Variants in CRBN observed in about 807,000 individuals in gnomAD.
CRBN encodes the protein cereblon.
Under a neutral mutation model 62.2 loss-of-function variants are expected in CRBN, and 53 were observed. The ratio of observed to expected loss-of-function variants is 0.85; its 90% CI spans 0.68 to 1.07. CRBN has a LOEUF of 1.07. Among genes scored for constraint, CRBN ranks in the 50% least tolerant of loss-of-function variants. The probability of loss-of-function intolerance (pLI) is 0.00; values close to 1 mark genes in which losing one functional copy is unlikely to be tolerated. For synonymous variants in CRBN, 208 were observed against 176.1 expected (o/e 1.18, Z -1.43); for missense variants, 616 against 531.1 (o/e 1.16, Z -1.57).
At chr3:3,172,098 C>G (rs767442178) in intron 4 of CRBN, 1 of 152,150 alleles carries the variant, frequency 6.6e-6, no homozygotes, top group African/African-American at 2.4e-5. Context: ...TGTGCAAAAC[C>G]CAGCCATGAC....
At chr3:3,173,749 A>G (rs1707721343) in intron 3 of CRBN, 1 of 375,558 alleles carries the variant, frequency 2.7e-6, no homozygotes, top group South Asian at 2.9e-5. Context: ...CTACTTCTCT[A>G]TAATGAAGAC....
chr3:3,179,495 GCGGCCCT>G, intron 1 of CRBN, 119 bp downstream of exon 1: 1 of 847,056 alleles, frequency 1.2e-6, no homozygotes, highest in Non-Finnish European at 1.9e-6. Context: ...GCTTTCCGGT[GCGGCCCT>G]GCTGGGCTGG....
Position 3,151,555 on chromosome 3 carries a change from G to GGTATTTTGTTC in CRBN, c.1149-521_1149-511dup, listed in dbSNP as rs544169296. 2.3e-3 allele frequency among the ~76,000 whole-genome samples: 350 copies of GGTATTTTGTTC among 152,176 alleles called. 3 individuals are homozygous for GGTATTTTGTTC. Among genetic ancestry groups the GGTATTTTGTTC allele is most frequent in the Middle Eastern group, 0.01 (3 of 294 alleles). The stretch of plus-strand genomic sequence containing the variant: ...TAATGCAACCAGAAATACAAACCAT[G>GGTATTTTGTTC]GTATTTTGTTCTTAAGATAAACCAT... On this transcript the variant is annotated intron_variant, in intron 10 of 10. Transcript: ENST00000231948.
intron 1 of CRBN, among the ~76,000 whole-genome samples, chr3:3,177,198 C>T (rs1001032166): frequency 4.6e-5 from 7 of 152,220 alleles, no homozygotes; most frequent in African/African-American, 1.7e-4. Context: ...CATTTCTCAC[C>T]TCCCAGTTCA....
chr3:3,166,874 TCAA>T (rs1172063652), intron 5 of CRBN, among the ~76,000 whole-genome samples: 4 of 151,498 alleles, frequency 2.6e-5, no homozygotes, highest in Non-Finnish European at 4.4e-5. Flanking sequence ...TCCTCACCAC[TCAA>T]CAAAGGAATG....
intron 9 of CRBN, chr3:3,152,888 A>C: frequency 2.4e-6 from 1 of 420,950 alleles, no homozygotes; most frequent in East Asian, 5.0e-5. Context: ...AATGCTTCTA[A>C]AGGAGTCTGA....
intron 3 of CRBN, among the ~76,000 whole-genome samples, chr3:3,173,618 C>T (rs1707716312): frequency 6.6e-6 from 1 of 152,016 alleles, no homozygotes; most frequent in Admixed American, 6.5e-5. Flanking sequence ...CCTTTATTTG[C>T]CATGGGATAC....
chr3:3,172,837 T>C lies in CRBN; in HGVS notation c.466A>G (p.Lys156Glu). ...EEQDFGIEIV[K>E]VKAIGRQRFK... ...CTTTGTCTTCCAATTGCTTTCACTT[T>C]CACTATCTCAATTCCAAAATCCTGT... Residue 156 changes from lysine (K) to glutamate (E), a missense_variant, in exon 4 of 11, where the codon AAA becomes GAA. Physicochemically the swap from Lys to Glu is moderately conservative, Grantham distance 56 (BLOSUM62 1). Transcript: ENST00000231948. The C allele has an allele frequency of 6.2e-7, 1 of 1,613,982 alleles. No individual in the cohort carries two copies. The highest frequency in any genetic ancestry group is 8.5e-7 in the Non-Finnish European group (1 of 1,179,844).
intron 5 of CRBN, 63 bp downstream of exon 5, chr3:3,167,571 A>T: frequency 6.7e-7 from 1 of 1,492,944 alleles, no homozygotes; most frequent in Non-Finnish European, 9.3e-7. Context: ...TTTCTTTCTT[A>T]AAACAGGAAA....
intron 3 of CRBN, chr3:3,173,800 T>C: frequency 2.0e-6 from 1 of 498,570 alleles, no homozygotes; most frequent in East Asian, 3.5e-5. Context: ...TTTCATCAAA[T>C]ATAAATGATT....
rs1706409803 is a variant in CRBN at position 3,150,170 on chromosome 3, T to C, written c.*695A>G. The stretch of plus-strand genomic sequence containing the variant: ...TCAAATTAATTTTTGAAAAATAGCT[T>C]TTGTATGGAACAGTATAAATGGGCT... On this transcript the variant is annotated 3_prime_UTR_variant, in exon 11 of 11. Coordinates refer to ENST00000231948, the MANE Select transcript of CRBN (RefSeq NM_016302.4). 2.6e-5 allele frequency: 4 copies of C among 152,284 alleles called. No individual in the cohort carries two copies. Among genetic ancestry groups the C allele is most frequent in the Admixed American group, 2.0e-4 (3 of 15,288 alleles). 9.4% of individuals were successfully genotyped at this position (152,284 alleles called of 1,614,324 possible).
chr3:3,166,028 CAGTTA>C (rs1707313641), intron 5 of CRBN, among the ~76,000 whole-genome samples: 1 of 152,128 alleles, frequency 6.6e-6, no homozygotes, highest in Admixed American at 6.5e-5. Context: ...TCTCACAGTT[CAGTTA>C]AAAGAAACAA....
intron 1 of CRBN, among the ~76,000 whole-genome samples, chr3:3,176,834 AAAG>A (rs1707840431): frequency 6.6e-6 from 1 of 152,270 alleles, no homozygotes; most frequent in Non-Finnish European, 1.5e-5. Context: ...AAACATTTTA[AAAG>A]AATGTCTTAG....
intron 10 of CRBN, among the ~76,000 whole-genome samples, chr3:3,151,837 A>AAACAAACT (rs1030438143): frequency 6.6e-6 from 1 of 152,050 alleles, no homozygotes; most frequent in Non-Finnish European, 1.5e-5. Flanking sequence ...GCAAACAAAC[A>AAACAAACT]AAAGGCAAAC....
In CRBN at chr3:3,170,562, C is replaced by T. The variant is rs554314170; in HGVS notation, c.527+2214G>A. Among the ~76,000 whole-genome samples the T allele has an allele frequency of 9.2e-5, 14 of 152,266 alleles. No individual in the cohort carries two copies. In the South Asian group the frequency reaches 2.7e-3, roughly 29 times the overall value. ...ATTACTTAACCTCTCTAGTACCTGG[C>T]ATTCTGATACAGAAAAAGACGAGAC... On this transcript the variant is annotated intron_variant, in intron 4 of 10. Transcript: ENST00000231948.
chr3:3,165,123 C>A (rs1456182701), intron 5 of CRBN, among the ~76,000 whole-genome samples: 2 of 152,130 alleles, frequency 1.3e-5, no homozygotes, highest in East Asian at 1.9e-4. Context: ...GTGGAACCCA[C>A]AGATAGGACT....
At chr3:3,156,184 C>A in intron 6 of CRBN, 35 bp downstream of exon 6, 1 of 1,540,752 alleles carries the variant, frequency 6.5e-7, no homozygotes, top group African/African-American at 1.4e-5. Context: ...ACATGGCCTA[C>A]CATATATAAA....
chr3:3,173,660 A>G (rs749961797), intron 3 of CRBN, among the ~76,000 whole-genome samples: 1 of 152,160 alleles, frequency 6.6e-6, no homozygotes, highest in Non-Finnish European at 1.5e-5. Context: ...AAGTGGTACA[A>G]CCTATGAATT....
intron 5 of CRBN, among the ~76,000 whole-genome samples, chr3:3,159,534 ATG>A (rs1707050882): frequency 1.3e-5 from 2 of 152,218 alleles, no homozygotes; most frequent in Admixed American, 6.5e-5. Context: ...AGAGAATAAA[ATG>A]TGGCACACTA....
Sources: gnomAD v4.1 joint callset for allele counts (sites outside exome capture counted in the v4.1 genomes callset) on GRCh38, gnomAD v4.1.1 for gene constraint, MANE v1.5 for transcripts, NCBI Gene and HGNC (gene_info 2026-07-23, HGNC 2026-07-21) for gene names.